Variants in ADAMTSL4 observed in about 807,000 individuals in gnomAD.
The protein encoded by ADAMTSL4 is ADAMTS-like protein 4.
A neutral mutation model predicts 122.8 loss-of-function variants in ADAMTSL4; 97 were observed. The ratio of observed to expected loss-of-function variants is 0.79; its 90% confidence interval spans 0.67 to 0.93. The LOEUF (loss-of-function observed/expected upper bound fraction) is 0.93. ADAMTSL4 is among the 40% of genes least tolerant of loss of function. The pLI, the probability that ADAMTSL4 is intolerant of heterozygous loss-of-function variation, is 0.00. For synonymous variants in ADAMTSL4, 592 were observed against 568.0 expected (o/e 1.04, Z -0.60); for missense variants, 1,408 against 1,453.5 (o/e 0.97, Z 0.51).
rs748088944 is a variant in ADAMTSL4 at position 150,559,181 on chromosome 1, G to A, written c.2763+16G>A. 7 of 1,611,946 alleles carry A rather than the reference G, an allele frequency of 4.3e-6. No homozygotes were observed. The highest frequency in any genetic ancestry group is 5.9e-6 in the Non-Finnish European group (7 of 1,179,344). On this transcript the variant is annotated intron_variant, in intron 16 of 18. Transcript: ENST00000271643. This position sits in a 1 kb window ranked among gnomAD's most constrained non-coding sequence, Gnocchi z 4.1. Reference sequence around the variant, plus strand: ...CTGGGGTGAGGTAAGCTGAGCGCCTGCTGAGAGCAGGAAGGGGGTGCCAGT... The same window carrying A: ...CTGGGGTGAGGTAAGCTGAGCGCCTACTGAGAGCAGGAAGGGGGTGCCAGT...
In ADAMTSL4 at chr1:150,556,171, T is replaced by C. The variant is rs1185734290; in HGVS notation, c.1381T>C (p.Cys461Arg). ...ACCTCACTCTCTCCAGAGCCCCGGC[T>C]GTGATGGGATCCTTGGCTCTGGCAG... ...CVAGRCLSPG[C>R]DGILGSGRRP... The change falls in exon 9 of 19, where the codon TGT (cysteine) becomes CGT (arginine). Residue 461 changes from cysteine (C) to arginine (R), a missense_variant. Coordinates refer to ENST00000271643, the MANE Select transcript of ADAMTSL4 (RefSeq NM_019032.6). This position sits in a 1 kb window ranked among gnomAD's most constrained non-coding sequence, Gnocchi z 4.1. The C allele has an allele frequency of 6.2e-7, 1 of 1,614,158 alleles. No homozygotes were observed. Among genetic ancestry groups the C allele is most frequent in the Admixed American group, 1.7e-5 (1 of 60,030 alleles).
rs1671536082 is a variant in ADAMTSL4 at position 150,552,609 on chromosome 1, T to C, written c.78+9T>C. On this transcript the variant is annotated intron_variant, in intron 4 of 18. Coordinates refer to ENST00000271643, the MANE Select transcript of ADAMTSL4 (RefSeq NM_019032.6). This position sits in a 1 kb window ranked among gnomAD's most constrained non-coding sequence, Gnocchi z 4.0. The stretch of plus-strand genomic sequence containing the variant: ...TCTGCTTGGATCAGGAGGTGAGTTC[T>C]GGACAAGTGAGCAGCTGCAGCCTGC... 3 of 1,613,186 alleles carry C rather than the reference T, an allele frequency of 1.9e-6. No homozygotes were observed. The highest frequency in any genetic ancestry group is 2.5e-6 in the Non-Finnish European group (3 of 1,179,774).
Position 150,558,615 on chromosome 1 carries a change from C to T in ADAMTSL4, c.2525C>T (p.Thr842Ile). 2 of 1,613,944 alleles carry T rather than the reference C, an allele frequency of 1.2e-6. No individual in the cohort carries two copies. The highest frequency in any genetic ancestry group is 1.1e-5 in the South Asian group (1 of 91,076). The change falls in exon 15 of 19, where the codon ACT becomes ATT. Residue 842 changes from threonine to isoleucine, a missense_variant. Physicochemically the swap from Thr to Ile is moderately conservative, Grantham distance 89. Coordinates refer to ENST00000271643, the MANE Select transcript of ADAMTSL4 (RefSeq NM_019032.6). ...SREACDMGPC[T>I]TAWFHSDWSS... ...GAGGCCTGTGACATGGGGCCCTGTA[C>T]TACTGCCTGGTTCCACAGCGACTGG...
rs1246217227 is a variant in ADAMTSL4, at chr1:150,560,440, T to C, written c.*244T>C. 4 of 600,016 alleles carry C rather than the reference T, an allele frequency of 6.7e-6. No individual in the cohort carries two copies. Among genetic ancestry groups the C allele is most frequent in the African/African-American group, 1.9e-5 (1 of 53,854 alleles). The allele number at this position is 600,016 out of a possible 1,614,324, so 37.2% of individuals were successfully genotyped here. A position where few individuals can be genotyped will look rare whatever the true frequency, so the allele number is the denominator to read the frequency against. ...GCTTTTGGGACTGCATGGATATGTG[T>C]GTGCTCAAACGTGTATCACTTTTCA... On this transcript the variant is annotated 3_prime_UTR_variant, in exon 19 of 19. Coordinates refer to ENST00000271643, the MANE Select transcript of ADAMTSL4 (RefSeq NM_019032.6).
In ADAMTSL4 at chr1:150,560,055, C is replaced by T. The variant is rs1672620492; in HGVS notation, c.3089-5C>T. On this transcript the variant is annotated splice_polypyrimidine_tract_variant and splice_region_variant and intron_variant, in intron 18 of 18. Coordinates refer to ENST00000271643, the MANE Select transcript of ADAMTSL4 (RefSeq NM_019032.6). ...CTTGTGCCCACTGGCCTCCTCTGTCCCCAGATGATCAATGCAAGGACAGCT... is the reference window on the plus strand; with the variant it reads ...CTTGTGCCCACTGGCCTCCTCTGTCTCCAGATGATCAATGCAAGGACAGCT... 1 of 1,614,066 alleles carries T rather than the reference C, an allele frequency of 6.2e-7. No individual in the cohort carries two copies. The highest frequency in any genetic ancestry group is 8.5e-7 in the Non-Finnish European group (1 of 1,180,024).
chr1:150,551,974 G>T, intron 2 of ADAMTSL4: 1 of 392,192 alleles, frequency 2.5e-6, no homozygotes, highest in Non-Finnish European at 4.6e-6. Flanking sequence ...GAGCTAAGAA[G>T]CCCCTACAGG....
At chr1:150,551,371 T>C (rs1268764720) in intron 2 of ADAMTSL4, 4 of 286,100 alleles carry the variant, frequency 1.4e-5, no homozygotes, top group African/African-American at 8.7e-5. Context: ...AAAAAGTGTA[T>C]GAGATGTGCC....
rs749108522 is a variant in ADAMTSL4, at chr1:150,553,045, G to T, written c.226G>T (p.Val76Leu). The T allele has an allele frequency of 6.2e-7, 1 of 1,613,318 alleles. No homozygotes were observed. The highest frequency in any genetic ancestry group is 1.3e-5 in the African/African-American group (1 of 74,960). Reference protein sequence around the residue: ...RRSRTCQLPTVQLHPSLPLPP... With the variant: ...RRSRTCQLPTLQLHPSLPLPP... The stretch of plus-strand genomic sequence containing the variant: ...GAGCCGGACATGTCAGCTCCCTACA[G>T]TGCAGCTCCACCCGAGTCTGCCCCT... Residue 76 changes from valine to leucine, a missense_variant, in exon 5 of 19, where the codon GTG becomes TTG. Coordinates refer to ENST00000271643, the MANE Select transcript of ADAMTSL4 (RefSeq NM_019032.6).
rs1671542953 is a variant in ADAMTSL4 at position 150,552,672 on chromosome 1, T to C, written c.78+72T>C. ...CATCTCCCCCTAGGCTCCCACCCCATCTCTCCAGGCCACGCCTCCATTCCC... is the reference window on the plus strand; with the variant it reads ...CATCTCCCCCTAGGCTCCCACCCCACCTCTCCAGGCCACGCCTCCATTCCC... On this transcript the variant is annotated intron_variant, in intron 4 of 18. Coordinates refer to ENST00000271643, the MANE Select transcript of ADAMTSL4 (RefSeq NM_019032.6). The surrounding 1 kb of genome is among the most constrained non-coding windows in gnomAD (Gnocchi z 4.0). 3 of 1,546,322 alleles carry C rather than the reference T, an allele frequency of 1.9e-6. No homozygotes were observed. The highest frequency in any genetic ancestry group is 3.8e-5 in the Admixed American group (2 of 52,038).
Position 150,553,913 on chromosome 1 carries a change from G to A in ADAMTSL4, c.922G>A (p.Gly308Ser). 1 of 1,612,282 alleles carries A rather than the reference G, an allele frequency of 6.2e-7. No homozygotes were observed. The highest frequency in any genetic ancestry group is 8.5e-7 in the Non-Finnish European group (1 of 1,179,390). Residue 308 changes from glycine (G) to serine (S), a missense_variant, in exon 6 of 19, where the codon GGC becomes AGC. By Grantham distance (56) the Gly-to-Ser change is moderately conservative (BLOSUM62 0). Coordinates refer to ENST00000271643, the MANE Select transcript of ADAMTSL4 (RefSeq NM_019032.6). ...TGATCCTTTTCCTTCGGTCCCTCGG[G>A]GCCGAGGCCAGCAGGGCCAAGGGCC... The part of the protein sequence containing the change: ...RPDPFPSVPR[G>S]RGQQGQGPWG...
At position 150,554,114 on chromosome 1, in the gene ADAMTSL4, A is replaced by G; in HGVS notation, c.1123A>G (p.Ser375Gly). 1 of 1,599,430 alleles carries G rather than the reference A, an allele frequency of 6.3e-7. No individual in the cohort carries two copies. Among genetic ancestry groups the G allele is most frequent in the Non-Finnish European group, 8.5e-7 (1 of 1,179,916 alleles). ...SGESEQLRAC[S>G]QAPCPPEQPD... ...GGAGAGTGAACAGCTAAGAGCCTGC[A>G]GCCAAGCGGTGAGTCTCCTCGGGCC... Residue 375 changes from serine to glycine, a missense_variant, in exon 6 of 19, where the codon AGC becomes GGC. Coordinates refer to ENST00000271643, the MANE Select transcript of ADAMTSL4 (RefSeq NM_019032.6). The surrounding 1 kb of genome is among the most constrained non-coding windows in gnomAD (Gnocchi z 4.0).
At position 150,559,715 on chromosome 1, in the gene ADAMTSL4, T is replaced by C; in HGVS notation, c.2944-46T>C. 6.2e-7 allele frequency: 1 copy of C among 1,613,072 alleles called. No homozygotes were observed. The highest frequency in any genetic ancestry group is 8.5e-7 in the Non-Finnish European group (1 of 1,179,840). Reference sequence around the variant, plus strand: ...GGTGGCAGCCAGGGGTTAAGGAGAATCCCGGGCCTGGCAAAGGTCTGATAT... The same window carrying C: ...GGTGGCAGCCAGGGGTTAAGGAGAACCCCGGGCCTGGCAAAGGTCTGATAT... On this transcript the variant is annotated intron_variant, in intron 17 of 18. Coordinates refer to ENST00000271643, the MANE Select transcript of ADAMTSL4 (RefSeq NM_019032.6). This position sits in a 1 kb window ranked among gnomAD's most constrained non-coding sequence, Gnocchi z 4.1.
At chr1:150,555,804 TGAACACATGCACACACACGTATGC>T (rs1672025308) in intron 8 of ADAMTSL4, 3 of 636,898 alleles carry the variant, frequency 4.7e-6, no homozygotes, top group Non-Finnish European at 8.4e-6. Context: ...CACACGTGCA[TGAACACATGCACACACACGTATGC>T]AGACACATGC....
rs1057143451 is a variant in ADAMTSL4, at chr1:150,556,006, T to C, written c.1372-156T>C. ...AAGGATCTGATCGGGCACCTGTCCA[T>C]GTCCCTGGGTCTGGCTGGGGATGGT... is the stretch of plus-strand genomic sequence containing the variant. On this transcript the variant is annotated intron_variant, in intron 8 of 18. Coordinates refer to ENST00000271643, the MANE Select transcript of ADAMTSL4 (RefSeq NM_019032.6). The surrounding 1 kb of genome is among the most constrained non-coding windows in gnomAD (Gnocchi z 4.1). The C allele has an allele frequency of 8.0e-6, 6 of 751,978 alleles. No homozygotes were observed. The highest frequency in any genetic ancestry group is 5.2e-5 in the African/African-American group (3 of 58,124). 46.6% of individuals were successfully genotyped at this position (751,978 alleles called of 1,614,324 possible). A position where few individuals can be genotyped will look rare whatever the true frequency, so the allele number is the denominator to read the frequency against.
At position 150,556,421 on chromosome 1, in the gene ADAMTSL4, C is replaced by A. The variant is rs1237267385; in HGVS notation, c.1576+55C>A. 2 of 1,605,540 alleles carry A rather than the reference C, an allele frequency of 1.2e-6. No homozygotes were observed. Among genetic ancestry groups the A allele is most frequent in the Non-Finnish European group, 1.7e-6 (2 of 1,174,788 alleles). ...TCCGTCTCTGTTCGGCCCTCCATAC[C>A]CCTACTCAGAGCAGTGAGCAAGCCA... On this transcript the variant is annotated intron_variant, in intron 9 of 18. Coordinates refer to ENST00000271643, the MANE Select transcript of ADAMTSL4 (RefSeq NM_019032.6). This position sits in a 1 kb window ranked among gnomAD's most constrained non-coding sequence, Gnocchi z 4.1.
chr1:150,552,797 G>A lies in ADAMTSL4; in HGVS notation c.79-101G>A, dbSNP rs1250199925. The stretch of plus-strand genomic sequence containing the variant: ...CCCTCTGCTGCTGAATGTGACCTTG[G>A]ACTGGTAGCGACTCCGTGAGCCTCA... On this transcript the variant is annotated intron_variant, in intron 4 of 18. Coordinates refer to ENST00000271643, the MANE Select transcript of ADAMTSL4 (RefSeq NM_019032.6). This position sits in a 1 kb window ranked among gnomAD's most constrained non-coding sequence, Gnocchi z 4.0. 34 of 1,355,748 alleles carry A rather than the reference G, an allele frequency of 2.5e-5. No individual in the cohort carries two copies. In the South Asian group the frequency reaches 3.7e-4, roughly 15 times the overall value. The allele number at this position is 1,355,748 out of a possible 1,614,324, so 84.0% of individuals were successfully genotyped here.
Position 150,553,260 on chromosome 1 carries a change from G to C in ADAMTSL4, c.434+7G>C, listed in dbSNP as rs1357972680. 3 of 1,610,556 alleles carry C rather than the reference G, an allele frequency of 1.9e-6. No individual in the cohort carries two copies. Among genetic ancestry groups the C allele is most frequent in the Non-Finnish European group, 1.7e-6 (2 of 1,178,236 alleles). ...AGATTCGAGCGGCCAGGAGGTGAGA[G>C]GCCTGGGTGGAAGAGGTGGGCCTTG... On this transcript the variant is annotated splice_region_variant and intron_variant, in intron 5 of 18. Transcript: ENST00000271643.
At position 150,557,990 on chromosome 1, in the gene ADAMTSL4, C is replaced by T. The variant is rs587696191; in HGVS notation, c.2223C>T (p.Pro741=). 3.2e-4 allele frequency: 514 copies of T among 1,611,536 alleles called. No individual in the cohort carries two copies. Among genetic ancestry groups the T allele is most frequent in the Middle Eastern group, 5.2e-4 (3 of 5,798 alleles). Residue 741 remains proline, a synonymous_variant, in exon 14 of 19, where the codon CCC becomes CCT. Coordinates refer to ENST00000271643, the MANE Select transcript of ADAMTSL4 (RefSeq NM_019032.6). ...EWTSCSRSCG[P]GTQHRQLQCR... ...CATCCTGCAGCCGCTCCTGTGGCCC[C>T]GGCACCCAGCACCGCCAGCTGCAGT...
Position 150,553,660 on chromosome 1 carries a change from C to T in ADAMTSL4, c.669C>T (p.Thr223=). 1.9e-6 allele frequency: 3 copies of T among 1,613,594 alleles called. No individual in the cohort carries two copies. Among genetic ancestry groups the T allele is most frequent in the Non-Finnish European group, 2.5e-6 (3 of 1,179,860 alleles). The change falls in exon 6 of 19, where the codon ACC becomes ACT. Residue 223 remains threonine, a synonymous_variant. Transcript: ENST00000271643. ...CTCCCACAGAACTGTCTGTCCACAC[C>T]CCATCCCCCCAAGCAGAACCTCTAA... is the stretch of plus-strand genomic sequence containing the variant. ...ELPPTELSVH[T]PSPQAEPLSP... is the part of the protein sequence containing the mutation.
Sources: gnomAD v4.1 joint callset for allele counts on GRCh38, gnomAD v4.1.1 for gene constraint, Gnocchi (gnomAD v3.1) non-coding constraint, MANE v1.5 for transcripts, NCBI Gene and HGNC (gene_info 2026-07-23, HGNC 2026-07-21) for gene names.